The following P2RX5 variants were observed in gnomAD, a reference collection of about 807,000 sequenced individuals.
P2RX5 encodes the protein purinergic receptor P2X 5, also known as P2X purinoceptor 5.
P2RX5 carries 46 observed loss-of-function variants against 54.1 expected under a neutral mutation model. The observed-to-expected ratio is 0.85, with a 90% CI of 0.67 to 1.09. The LOEUF is 1.09. Among genes scored for constraint, P2RX5 ranks in the 50% least tolerant of loss-of-function variants. The probability of loss-of-function intolerance (pLI) is 0.00; values close to 1 mark genes in which losing one functional copy is unlikely to be tolerated. For synonymous variants in P2RX5, 226 were observed against 226.4 expected (o/e 1.00, Z 0.02); for missense variants, 566 against 549.8 (o/e 1.03, Z -0.29).
upstream of P2RX5, among the ~76,000 whole-genome samples, chr17:3,696,734 A>ACGG (rs1346119507): frequency 2.6e-5 from 4 of 152,100 alleles, no homozygotes; most frequent in Non-Finnish European, 4.4e-5. Flanking sequence ...GCCACCGCGC[A>ACGG]CGGCCGGGAA....
the P2RX5 span, chr17:3,720,737 C>T: frequency 1.6e-5 from 3 of 192,632 alleles, no homozygotes; most frequent in Non-Finnish European, 3.2e-5. Flanking sequence ...CATGTGCCAC[C>T]ATGCCAGGCT....
chr17:3,713,404 A>T, the P2RX5 span, among the ~76,000 whole-genome samples: 1 of 152,194 alleles, frequency 6.6e-6, no homozygotes, highest in East Asian at 1.9e-4. Context: ...AGTCTTTATA[A>T]ATTAAGACCC....
At chr17:3,679,988 C>A (rs578104637) in intron 10 of P2RX5, among the ~76,000 whole-genome samples, 2 of 151,240 alleles carry the variant, frequency 1.3e-5, no homozygotes, top group Non-Finnish European at 3.0e-5. Flanking sequence ...AGTCCTCCAC[C>A]CTGCTTCCTC....
At chr17:3,709,587 G>A in the P2RX5 span, among the ~76,000 whole-genome samples, 1 of 152,152 alleles carries the variant, frequency 6.6e-6, no homozygotes, top group African/African-American at 2.4e-5. Context: ...GGGTAACAAG[G>A]TGAGACCCCA....
intron 1 of P2RX5, among the ~76,000 whole-genome samples, 196 bp downstream of exon 1, chr17:3,695,673 G>C (rs544432149): frequency 6.6e-6 from 1 of 152,184 alleles, no homozygotes; most frequent in East Asian, 1.9e-4. Flanking sequence ...TGGGGGAGTG[G>C]AGAGCCCCCT....
At chr17:3,680,807 A>T (rs1191616692) in intron 10 of P2RX5, among the ~76,000 whole-genome samples, 2 of 66,932 alleles carry the variant, frequency 3.0e-5, no homozygotes, top group African/African-American at 6.1e-5. Context: ...TCCACCCTGC[A>T]TCCTCCACCC....
intron 11 of P2RX5, among the ~76,000 whole-genome samples, chr17:3,678,372 G>A (rs114950025): frequency 0.013 from 1,916 of 152,352 alleles, 48 homozygotes; most frequent in African/African-American, 0.044. Flanking sequence ...CAGCTGGAGC[G>A]TGGGCCTGTG....
At chr17:3,701,724 C>T in the P2RX5 span, among the ~76,000 whole-genome samples, 1 of 107,624 alleles carries the variant, frequency 9.3e-6, no homozygotes, top group South Asian at 3.5e-4. Context: ...AAAAAAGGAA[C>T]TTCTAAAGGG....
chr17:3,716,304 GAAC>G, the P2RX5 span, among the ~76,000 whole-genome samples: 2 of 152,134 alleles, frequency 1.3e-5, no homozygotes, highest in East Asian at 3.9e-4. Context: ...TTCAACAGGG[GAAC>G]AACAGTCACA....
the P2RX5 span, among the ~76,000 whole-genome samples, chr17:3,718,961 G>A: frequency 6.6e-6 from 1 of 152,222 alleles, no homozygotes; most frequent in African/African-American, 2.4e-5. Context: ...GCCGGACATG[G>A]TGGCTCATGC....
At chr17:3,682,093 A>C (rs2050300382) in intron 9 of P2RX5, 115 bp from the exon 10 acceptor site, 1 of 737,092 alleles carries the variant, frequency 1.4e-6, no homozygotes, top group African/African-American at 1.7e-5. Flanking sequence ...CACTGTCCCC[A>C]TTTAACAGAT....
At chr17:3,677,068 A>C (rs906174203) in intron 11 of P2RX5, 1 of 984,206 alleles carries the variant, frequency 1.0e-6, no homozygotes, top group Non-Finnish European at 1.2e-6. Flanking sequence ...TTTCAAAAAA[A>C]TAAATAAATA....
chr17:3,696,450 AATTT>A (rs1216338016), upstream of P2RX5: 1 of 152,392 alleles, frequency 6.6e-6, no homozygotes, highest in Non-Finnish European at 1.5e-5. Context: ...TTTTATTTTA[AATTT>A]ATTTATTCAT....
upstream of P2RX5, among the ~76,000 whole-genome samples, chr17:3,699,923 A>AAAG (rs1567744414): frequency 2.9e-5 from 2 of 69,114 alleles, no homozygotes; most frequent in African/African-American, 8.7e-5. Context: ...GGAAGGAAAG[A>AAAG]AAGAAAGAAA....
At chr17:3,677,702 A>C (rs160582) in intron 11 of P2RX5, 10 of 984,300 alleles carry the variant, frequency 1.0e-5, no homozygotes, top group South Asian at 9.4e-5. Flanking sequence ...TCAGCATCTC[A>C]TTTAAGCACC....
upstream of P2RX5, among the ~76,000 whole-genome samples, chr17:3,699,095 C>CACATATATATA (rs60173844): frequency 1.0e-5 from 1 of 100,192 alleles, no homozygotes; most frequent in African/African-American, 4.3e-5. Context: ...ACACACACAC[C>CACATATATATA]TATATATATA....
At chr17:3,714,930 TA>T in the P2RX5 span, 3 of 1,601,310 alleles carry the variant, frequency 1.9e-6, no homozygotes, top group Non-Finnish European at 2.6e-6. Flanking sequence ...TATTTTCTTT[TA>T]AAAAAGCCAC....
chr17:3,698,374 G>A (rs1045582321), upstream of P2RX5, among the ~76,000 whole-genome samples: 3 of 152,094 alleles, frequency 2.0e-5, no homozygotes, highest in African/African-American at 7.2e-5. Flanking sequence ...TCACAGAGAT[G>A]GTGCCACATT....
At chr17:3,720,726 G>T in the P2RX5 span, 1 of 197,648 alleles carries the variant, frequency 5.1e-6, no homozygotes, top group Middle Eastern at 2.2e-3. Context: ...GGAATTATGG[G>T]CATGTGCCAC....
Sources: gnomAD v4.1 joint callset for allele counts (sites outside exome capture counted in the v4.1 genomes callset) on GRCh38, gnomAD v4.1.1 for gene constraint, MANE v1.5 for transcripts, NCBI Gene and HGNC (gene_info 2026-07-23, HGNC 2026-07-21) for gene names.